The following LRRC28 variants were observed in gnomAD, a reference collection of about 807,000 sequenced individuals.
LRRC28 encodes the protein leucine rich repeat containing 28.
Under a neutral mutation model 45.7 loss-of-function variants are expected in LRRC28, and 39 were observed. The observed-to-expected ratio is 0.85, with a 90% CI of 0.66 to 1.12. The LOEUF (loss-of-function observed/expected upper bound fraction) is 1.12. LRRC28 is among the 50% of genes most tolerant of loss of function. LRRC28 has a pLI of 0.00. For synonymous variants in LRRC28, 206 were observed against 178.8 expected (o/e 1.15, Z -1.22); for missense variants, 435 against 438.5 (o/e 0.99, Z 0.07).
At chr15:99,285,598 T>C (rs1480655602) in intron 3 of LRRC28, 6 of 696,328 alleles carry the variant, frequency 8.6e-6, no homozygotes, top group Non-Finnish European at 2.6e-6. Context: ...GAGGAGAGAC[T>C]TTAACGATGC....
intron 5 of LRRC28, among the ~76,000 whole-genome samples, chr15:99,328,143 A>G (rs62023811): frequency 0.15 from 22,986 of 152,212 alleles, 1,769 homozygotes; most frequent in Non-Finnish European, 0.17. Flanking sequence ...CCTGGAGAAT[A>G]TACCATGTGC....
chr15:99,382,556 C>G (rs1031199990), intron 9 of LRRC28, among the ~76,000 whole-genome samples: 8 of 152,162 alleles, frequency 5.3e-5, no homozygotes, highest in Non-Finnish European at 1.0e-4. Flanking sequence ...TTCCAGCTAT[C>G]TTTTATTGAT....
chr15:99,283,615 C>CAAAAAAAAAAAAAAAAAAAAAA (rs59399248), intron 3 of LRRC28, among the ~76,000 whole-genome samples: 1 of 89,860 alleles, frequency 1.1e-5, no homozygotes. Flanking sequence ...GACTCCTTCT[C>CAAAAAAAAAAAAAAAAAAAAAA]AAAAAAAAAA....
intron 1 of LRRC28, 33 bp from the exon 2 acceptor site, chr15:99,255,865 T>C (rs1462004915): frequency 2.9e-6 from 4 of 1,399,812 alleles, no homozygotes; most frequent in Non-Finnish European, 3.8e-6. Context: ...TAAAAAATCT[T>C]ACAATGAATA....
At chr15:99,353,519 C>G (rs1341074551) in intron 7 of LRRC28, 1 of 152,172 alleles carries the variant, frequency 6.6e-6, no homozygotes, top group Non-Finnish European at 1.5e-5. Flanking sequence ...ATTCTGGAAC[C>G]TTCTGTGAAG....
intron 5 of LRRC28, among the ~76,000 whole-genome samples, chr15:99,304,393 T>C (rs1315113605): frequency 6.6e-6 from 1 of 152,102 alleles, no homozygotes; most frequent in Non-Finnish European, 1.5e-5. Flanking sequence ...TTATTTTTCC[T>C]TTTTCCGGCA....
chr15:99,316,452 G>T (rs2152271759), intron 5 of LRRC28, among the ~76,000 whole-genome samples: 1 of 152,200 alleles, frequency 6.6e-6, no homozygotes, highest in Non-Finnish European at 1.5e-5. Flanking sequence ...CTAGAGAAAT[G>T]GGAATTAGGG....
chr15:99,298,690 A>T (rs1456012200), intron 5 of LRRC28, among the ~76,000 whole-genome samples: 1 of 152,170 alleles, frequency 6.6e-6, no homozygotes, highest in Non-Finnish European at 1.5e-5. Flanking sequence ...GTTTTCTTAG[A>T]CACAACCTAT....
At chr15:99,276,737 T>C (rs767726245) in intron 3 of LRRC28, 121 bp downstream of exon 3, 33 of 697,424 alleles carry the variant, frequency 4.7e-5, no homozygotes, top group Non-Finnish European at 6.6e-5. Flanking sequence ...ATGATCATGG[T>C]ACTCATGTAG....
At chr15:99,326,879 G>A (rs1955997029) in intron 5 of LRRC28, among the ~76,000 whole-genome samples, 1 of 152,150 alleles carries the variant, frequency 6.6e-6, no homozygotes, top group African/African-American at 2.4e-5. Flanking sequence ...TATGGTTTTA[G>A]TATCAGGGTA....
At position 99,300,988 on chromosome 15, in the gene LRRC28, C is replaced by G. The variant is rs186484649; in HGVS notation, c.385+13037C>G. Among the ~76,000 whole-genome samples, 52 of 152,266 alleles carry G rather than the reference C, an allele frequency of 3.4e-4. No homozygotes were observed. In the East Asian group the frequency reaches 8.9e-3, roughly 26 times the overall value. On this transcript the variant is annotated intron_variant, in intron 5 of 9. Coordinates refer to ENST00000301981, the MANE Select transcript of LRRC28 (RefSeq NM_144598.5). ...AATGTGAGATAATTTTTCTGTACAG[C>G]TCTGTGTACATAATCAGTGAAGGAA...
intron 5 of LRRC28, among the ~76,000 whole-genome samples, chr15:99,304,319 A>G (rs1368256045): frequency 2.0e-5 from 3 of 152,112 alleles, no homozygotes; most frequent in East Asian, 3.8e-4. Flanking sequence ...TGATTTGCAA[A>G]TATTTTTTCT....
At chr15:99,253,359 G>A (rs1050487017) in intron 1 of LRRC28, among the ~76,000 whole-genome samples, 9 of 152,166 alleles carry the variant, frequency 5.9e-5, no homozygotes, top group African/African-American at 2.2e-4. Flanking sequence ...CACCTCAGGT[G>A]ATCCACCCTC....
chr15:99,274,560 A>G (rs941756206), intron 2 of LRRC28, among the ~76,000 whole-genome samples: 6 of 152,248 alleles, frequency 3.9e-5, no homozygotes, highest in Non-Finnish European at 8.8e-5. Flanking sequence ...CTTATGCTGC[A>G]CACAGCAGAT....
chr15:99,359,989 T>G (rs1232705065), intron 7 of LRRC28, among the ~76,000 whole-genome samples: 1 of 152,200 alleles, frequency 6.6e-6, no homozygotes, highest in African/African-American at 2.4e-5. Context: ...TGGGTTCTCT[T>G]TACCTCTTTG....
intron 6 of LRRC28, among the ~76,000 whole-genome samples, chr15:99,335,902 C>A (rs1333155614): frequency 6.6e-6 from 1 of 152,078 alleles, no homozygotes; most frequent in Non-Finnish European, 1.5e-5. Flanking sequence ...GCATGAAATG[C>A]AACTTACTGG....
chr15:99,262,774 G>C (rs2152131665), intron 2 of LRRC28, among the ~76,000 whole-genome samples: 1 of 151,776 alleles, frequency 6.6e-6, no homozygotes, highest in East Asian at 2.0e-4. Context: ...TTCCTGAGCA[G>C]CTGGGACTAC....
chr15:99,258,207 G>T, intron 2 of LRRC28: 2 of 1,610,574 alleles, frequency 1.2e-6, no homozygotes, highest in African/African-American at 2.7e-5. Context: ...GGCCAGTTTG[G>T]TGTCAGTTTC....
intron 7 of LRRC28, chr15:99,353,834 G>A (rs765358377): frequency 6.6e-6 from 1 of 152,112 alleles, no homozygotes; most frequent in Non-Finnish European, 1.5e-5. Flanking sequence ...ATACTTTGTC[G>A]TTTAGATATA....
Sources: allele counts gnomAD v4.1 joint callset (sites outside exome capture counted in the v4.1 genomes callset), GRCh38; gene constraint gnomAD v4.1.1; transcripts MANE v1.5; gene names NCBI Gene and HGNC (gene_info 2026-07-23, HGNC 2026-07-21).